The following TMEM207 variants were observed in gnomAD, a reference collection of about 807,000 sequenced individuals.
TMEM207 encodes transmembrane protein 207.
A neutral mutation model predicts 17.4 loss-of-function variants in TMEM207; 15 were observed. That is an observed-to-expected ratio of 0.86 (90% CI 0.58 to 1.33). The LOEUF (loss-of-function observed/expected upper bound fraction) is 1.33. TMEM207 is among the 40% of genes most tolerant of loss of function. The pLI is 0.00. For synonymous variants in TMEM207, 70 were observed against 65.6 expected (o/e 1.07, Z -0.33); for missense variants, 205 against 173.8 (o/e 1.18, Z -1.01).
intron 3 of TMEM207, 92 bp from the exon 4 acceptor site, chr3:190,440,481 A>G: frequency 8.2e-7 from 1 of 1,222,750 alleles, no homozygotes; most frequent in Non-Finnish European, 1.1e-6. Context: ...GTGAAGACTC[A>G]GCTAGACTGG....
chr3:190,440,221 C>T, intron 4 of TMEM207, 23 bp downstream of exon 4: 1 of 1,605,840 alleles, frequency 6.2e-7, no homozygotes, highest in Non-Finnish European at 8.5e-7. Flanking sequence ...AAAAAAGAGT[C>T]CAGAAGCGTG....
At chr3:190,444,471 G>C in intron 2 of TMEM207, 11 of 983,278 alleles carry the variant, frequency 1.1e-5, no homozygotes, top group Non-Finnish European at 1.3e-5. Flanking sequence ...CCAGTATCCC[G>C]TGTTCCAAAT....
intron 4 of TMEM207, among the ~76,000 whole-genome samples, chr3:190,432,232 C>T (rs571244410): frequency 6.6e-6 from 1 of 152,202 alleles, no homozygotes; most frequent in African/African-American, 2.4e-5. Flanking sequence ...ATAGACTTCA[C>T]CTCTTTCTAC....
intron 2 of TMEM207, among the ~76,000 whole-genome samples, chr3:190,443,629 T>C (rs1299439037): frequency 1.3e-5 from 2 of 152,146 alleles, no homozygotes; most frequent in Non-Finnish European, 1.5e-5. Flanking sequence ...CACTGGAACA[T>C]GTGTCTTTTG....
At chr3:190,432,070 G>A (rs953692750) in intron 4 of TMEM207, among the ~76,000 whole-genome samples, 1 of 152,144 alleles carries the variant, frequency 6.6e-6, no homozygotes, top group Non-Finnish European at 1.5e-5. Flanking sequence ...TGAGAGAACT[G>A]AATTAAAAAT....
intron 4 of TMEM207, 89 bp downstream of exon 4, chr3:190,440,155 C>G (rs2108535814): frequency 6.8e-7 from 1 of 1,475,384 alleles, no homozygotes; most frequent in East Asian, 2.3e-5. Flanking sequence ...TTCTAAGTTC[C>G]CAGATCTGCT....
chr3:190,440,477 A>C, intron 3 of TMEM207, 88 bp from the exon 4 acceptor site: 1 of 1,227,416 alleles, frequency 8.1e-7, no homozygotes, highest in Non-Finnish European at 1.1e-6. Context: ...TGGGGTGAAG[A>C]CTCAGCTAGA....
At chr3:190,443,912 T>C (rs1719990560) in intron 2 of TMEM207, among the ~76,000 whole-genome samples, 1 of 152,170 alleles carries the variant, frequency 6.6e-6, no homozygotes, top group South Asian at 2.1e-4. Flanking sequence ...GAATAAGAAT[T>C]ATCTAGAATT....
chr3:190,429,340 G>A lies in TMEM207; in HGVS notation c.*255C>T, dbSNP rs1163759751. On this transcript the variant is annotated 3_prime_UTR_variant, in exon 5 of 5. Coordinates refer to ENST00000354905, the MANE Select transcript of TMEM207 (RefSeq NM_207316.3). ...ATTGTTGCCTGTTTGGATACTAGTG[G>A]AGAAGCATTAATTTGGTTGTGTAGC... 2.4e-6 allele frequency: 1 copy of A among 422,700 alleles called. No individual in the cohort carries two copies. Among genetic ancestry groups the A allele is most frequent in the Non-Finnish European group, 4.3e-6 (1 of 234,532 alleles). 26.2% of individuals were successfully genotyped at this position (422,700 alleles called of 1,614,324 possible).
chr3:190,442,888 A>G (rs1719964082), intron 2 of TMEM207, among the ~76,000 whole-genome samples: 1 of 152,194 alleles, frequency 6.6e-6, no homozygotes, highest in African/African-American at 2.4e-5. Context: ...ATTTTCTACA[A>G]GTACAATGAT....
chr3:190,449,744 C>T lies in TMEM207; in HGVS notation c.66G>A (p.Pro22=), dbSNP rs10513852. 0.13 allele frequency: 203,151 copies of T among 1,612,884 alleles called. 14,782 individuals carry two copies. Among genetic ancestry groups the T allele is most frequent in the Non-Finnish European group, 0.15 (177,666 of 1,179,016 alleles). Residue 22 remains proline, a synonymous_variant, in exon 1 of 5, where the codon CCG becomes CCA. Transcript: ENST00000354905. ...AAAGAGAGATAGTTACCTGGAATAG[C>T]GGCAAACACAAGATCCCTATCGTTG... The part of the protein sequence containing the change: ...AISTIGILCL[P]LFQLVLSDLP...
At chr3:190,448,133 C>A (rs1272945482) in intron 1 of TMEM207, among the ~76,000 whole-genome samples, 1 of 151,916 alleles carries the variant, frequency 6.6e-6, no homozygotes, top group African/African-American at 2.4e-5. Context: ...CTCTAAAGAG[C>A]TTTTGTGCAC....
chr3:190,439,753 A>C (rs9851374), intron 4 of TMEM207, among the ~76,000 whole-genome samples: 100,863 of 151,992 alleles, frequency 0.66, 33,672 homozygotes, highest in Middle Eastern at 0.84. Context: ...ATGAAAATTG[A>C]CATTCCCCTG....
rs529164682 is a variant in TMEM207 at position 190,429,803 on chromosome 3, A to G, written c.305-72T>C. ...AACATAAGTACATGAACTGCCCGATAAAATCTGGCATTGCTTGGATCGCTG... is the reference window on the plus strand; with the variant it reads ...AACATAAGTACATGAACTGCCCGATGAAATCTGGCATTGCTTGGATCGCTG... On this transcript the variant is annotated intron_variant, in intron 4 of 4. Transcript: ENST00000354905. The G allele has an allele frequency of 5.3e-5, 76 of 1,433,098 alleles. No individual in the cohort carries two copies. In the African/African-American group the frequency reaches 1.0e-3, roughly 19 times the overall value. 88.8% of individuals were successfully genotyped at this position (1,433,098 alleles called of 1,614,324 possible).
intron 2 of TMEM207, 89 bp from the exon 3 acceptor site, chr3:190,441,571 T>G: frequency 1.9e-6 from 2 of 1,040,692 alleles, no homozygotes; most frequent in Non-Finnish European, 2.9e-6. Flanking sequence ...TGATCACACT[T>G]GTTTCTCCAG....
intron 2 of TMEM207, among the ~76,000 whole-genome samples, chr3:190,445,130 G>T (rs1472514297): frequency 2.0e-5 from 3 of 152,178 alleles, no homozygotes; most frequent in Non-Finnish European, 1.5e-5. Context: ...CTTTTAACTT[G>T]CTTTCCTACT....
At chr3:190,444,258 C>G (rs1345918078) in intron 2 of TMEM207, among the ~76,000 whole-genome samples, 2 of 152,144 alleles carry the variant, frequency 1.3e-5, no homozygotes, top group African/African-American at 4.8e-5. Context: ...TATAATTCTC[C>G]TTTTACAACT....
At chr3:190,441,061 T>C (rs1719925299) in intron 3 of TMEM207, among the ~76,000 whole-genome samples, 1 of 151,128 alleles carries the variant, frequency 6.6e-6, no homozygotes, top group Non-Finnish European at 1.5e-5. Flanking sequence ...AGAGCAAAAC[T>C]GTGTCTCAGA....
intron 2 of TMEM207, among the ~76,000 whole-genome samples, 194 bp downstream of exon 2, chr3:190,447,596 C>T (rs58435045): frequency 0.011 from 1,601 of 151,968 alleles, 24 homozygotes; most frequent in African/African-American, 0.037. Context: ...CAAAGCTGAT[C>T]GTAATGAAAA....
Sources: allele counts gnomAD v4.1 joint callset (sites outside exome capture counted in the v4.1 genomes callset), GRCh38; gene constraint gnomAD v4.1.1; transcripts MANE v1.5; gene names NCBI Gene and HGNC (gene_info 2026-07-23, HGNC 2026-07-21).